SLC5A5: variants seen among roughly 807,000 people sequenced by gnomAD.
The protein encoded by SLC5A5 is sodium/iodide cotransporter.
SLC5A5 carries 56 observed loss-of-function variants against 68.6 expected under a neutral mutation model. The observed-to-expected ratio is 0.82, with a 90% CI of 0.66 to 1.02. The LOEUF (loss-of-function observed/expected upper bound fraction) is 1.02, where lower values mean the gene tolerates loss of function less well. Ranked by LOEUF, SLC5A5 falls within the 50% of genes least tolerant of loss-of-function variation. SLC5A5 has a pLI of 0.00. For missense variants in SLC5A5, 807 were observed against 859.8 expected, an observed-to-expected ratio of 0.94 and a Z score of 0.77; for synonymous variants, 398 against 373.0, an observed-to-expected ratio of 1.07 and a Z score of -0.77.
chr19:17,881,054 C>A, intron 8 of SLC5A5, 101 bp downstream of exon 8: 6 of 876,968 alleles, frequency 6.8e-6, no homozygotes, highest in Non-Finnish European at 1.1e-5. Context: ...CTGGACCTGT[C>A]CATCAGTCCC....
Position 17,872,425 on chromosome 19 carries a change from C to G in SLC5A5, c.106C>G (p.Leu36Val). Residue 36 changes from leucine to valine, a missense_variant, in exon 1 of 15, where the codon CTG becomes GTG. Leu to Val is a conservative substitution (Grantham distance 32). Transcript: ENST00000222248. Reference protein sequence around the residue: ...VSTGIGLWVGLARGGQRSAED... With the variant: ...VSTGIGLWVGVARGGQRSAED... Reference sequence around the variant, plus strand: ...CACTGGCATCGGGCTGTGGGTCGGGCTGGCTCGGGGCGGGCAGCGCAGCGC... The same window carrying G: ...CACTGGCATCGGGCTGTGGGTCGGGGTGGCTCGGGGCGGGCAGCGCAGCGC... The G allele has an allele frequency of 6.2e-7, 1 of 1,608,716 alleles. No individual in the cohort carries two copies. Among genetic ancestry groups the G allele is most frequent in the Non-Finnish European group, 8.5e-7 (1 of 1,177,560 alleles).
At chr19:17,883,627 C>A in intron 10 of SLC5A5, 54 bp from the exon 11 acceptor site, 1 of 1,427,894 alleles carries the variant, frequency 7.0e-7, no homozygotes, top group Non-Finnish European at 9.9e-7. Flanking sequence ...TAAACTGAGG[C>A]CCAGAGCGGT....
At chr19:17,878,958 G>C in intron 7 of SLC5A5, among the ~76,000 whole-genome samples, 1 of 113,662 alleles carries the variant, frequency 8.8e-6, no homozygotes, top group Non-Finnish European at 1.8e-5. Context: ...CTGGGTGACA[G>C]AGAGAGACTC....
rs2094296417 is a variant in SLC5A5, at chr19:17,872,414, T to A, written c.95T>A (p.Leu32Gln). The A allele has an allele frequency of 6.2e-7, 1 of 1,607,906 alleles. No homozygotes were observed. Among genetic ancestry groups the A allele is most frequent in the African/African-American group, 1.3e-5 (1 of 74,902 alleles). ...CTCCTGGTGTCCACTGGCATCGGGC[T>A]GTGGGTCGGGCTGGCTCGGGGCGGG... ...LMLLVSTGIG[L>Q]WVGLARGGQR... is the part of the protein sequence containing the mutation. Residue 32 changes from leucine to glutamine, a missense_variant, in exon 1 of 15, where the codon CTG becomes CAG. By Grantham distance (113) the Leu-to-Gln change is moderately radical. Transcript: ENST00000222248.
chr19:17,872,022 G>A lies in SLC5A5; in HGVS notation c.-298G>A, dbSNP rs1020281847. 1.6e-5 allele frequency: 7 copies of A among 447,642 alleles called. No individual in the cohort carries two copies. The highest frequency in any genetic ancestry group is 1.3e-4 in the African/African-American group (6 of 47,748). 27.7% of individuals were successfully genotyped at this position (447,642 alleles called of 1,614,324 possible). On this transcript the variant is annotated 5_prime_UTR_variant, in exon 1 of 15. Transcript: ENST00000222248. ...CAGGGAGAGGGACAGACAGCCGGCTGCATGGGACAGCGGAACCCAGAGTGA... is the reference window on the plus strand; with the variant it reads ...CAGGGAGAGGGACAGACAGCCGGCTACATGGGACAGCGGAACCCAGAGTGA...
At position 17,872,435 on chromosome 19, in the gene SLC5A5, G is replaced by A. The variant is rs1297679219; in HGVS notation, c.116G>A (p.Gly39Asp). ...GIGLWVGLAR[G>D]GQRSAEDFFT... ...GGGCTGTGGGTCGGGCTGGCTCGGGGCGGGCAGCGCAGCGCTGAGGACTTC... is the reference window on the plus strand; with the variant it reads ...GGGCTGTGGGTCGGGCTGGCTCGGGACGGGCAGCGCAGCGCTGAGGACTTC... The change falls in exon 1 of 15, where the codon GGC (glycine) becomes GAC (aspartate). Residue 39 changes from glycine to aspartate, a missense_variant. Physicochemically the swap from Gly to Asp is moderately conservative, Grantham distance 94. Transcript: ENST00000222248. The A allele has an allele frequency of 1.2e-6, 2 of 1,608,822 alleles. No homozygotes were observed. The highest frequency in any genetic ancestry group is 1.7e-5 in the Admixed American group (1 of 59,660).
intron 4 of SLC5A5, among the ~76,000 whole-genome samples, chr19:17,875,297 G>T (rs1011002201): frequency 6.6e-6 from 1 of 151,664 alleles, no homozygotes; most frequent in Non-Finnish European, 1.5e-5. Context: ...TTGAACCCGG[G>T]AGGTGGAGGT....
chr19:17,883,541 C>G, intron 10 of SLC5A5, 140 bp from the exon 11 acceptor site: 2 of 779,930 alleles, frequency 2.6e-6, no homozygotes, highest in South Asian at 1.4e-5. Flanking sequence ...GGTCCTCTCC[C>G]CTTTAGGGAA....
chr19:17,873,042 T>TAC (rs2094298242), intron 1 of SLC5A5, among the ~76,000 whole-genome samples: 1 of 152,178 alleles, frequency 6.6e-6, no homozygotes, highest in Non-Finnish European at 1.5e-5. Flanking sequence ...GCTCCGGGGT[T>TAC]CGAAACCTGG....
chr19:17,878,989 CA>C (rs764175985), intron 7 of SLC5A5, among the ~76,000 whole-genome samples: 46 of 106,076 alleles, frequency 4.3e-4, no homozygotes, highest in Admixed American at 7.1e-4. Flanking sequence ...AAAAAAAAAA[CA>C]AAAAAAAAAA....
chr19:17,883,846 C>T lies in SLC5A5; in HGVS notation c.1330-4C>T. 1.2e-6 allele frequency: 2 copies of T among 1,600,442 alleles called. No individual in the cohort carries two copies. Among genetic ancestry groups the T allele is most frequent in the Non-Finnish European group, 1.7e-6 (2 of 1,174,434 alleles). ...CCCTTCCCTGACGCCGGCTCTGCCC[C>T]CAGGGCGTCCTCGCGGGACTAGGCG... On this transcript the variant is annotated splice_polypyrimidine_tract_variant and splice_region_variant and intron_variant, in intron 11 of 14. Coordinates refer to ENST00000222248, the MANE Select transcript of SLC5A5 (RefSeq NM_000453.3).
chr19:17,885,451 C>T (rs1481328533), intron 12 of SLC5A5, among the ~76,000 whole-genome samples: 1 of 151,982 alleles, frequency 6.6e-6, no homozygotes, highest in African/African-American at 2.4e-5. Flanking sequence ...ACAATCACAG[C>T]TCACTGCACC....
intron 1 of SLC5A5, among the ~76,000 whole-genome samples, 186 bp downstream of exon 1, chr19:17,872,862 G>A (rs1041897819): frequency 6.6e-6 from 1 of 152,214 alleles, no homozygotes; most frequent in South Asian, 2.1e-4. Flanking sequence ...GGCGCCCGGC[G>A]AGGGGCAGGA....
At chr19:17,882,102 C>A in intron 9 of SLC5A5, 30 bp downstream of exon 9, 2 of 1,606,816 alleles carry the variant, frequency 1.2e-6, no homozygotes, top group Non-Finnish European at 1.7e-6. Context: ...GGGTGGGAGG[C>A]CAGGGCAGTC....
chr19:17,893,798 A>T lies in SLC5A5; in HGVS notation c.1853A>T (p.Lys618Met). Reference sequence around the variant, plus strand: ...GATCGTCTGTTTTTCTTGGGGCAGAAGGAGCTGGAGGGGGCTGGCTCTTGG... The same window carrying T: ...GATCGTCTGTTTTTCTTGGGGCAGATGGAGCTGGAGGGGGCTGGCTCTTGG... ...NEDRLFFLGQ[K>M]ELEGAGSWTP... Residue 618 changes from lysine (K) to methionine (M), a missense_variant, in exon 15 of 15, where the codon AAG (lysine) becomes ATG (methionine). By Grantham distance (95) the Lys-to-Met change is moderately conservative (BLOSUM62 -1). Coordinates refer to ENST00000222248, the MANE Select transcript of SLC5A5 (RefSeq NM_000453.3). 1 of 1,611,142 alleles carries T rather than the reference A, an allele frequency of 6.2e-7. No homozygotes were observed.
At chr19:17,872,974 C>T (rs1212505399) in intron 1 of SLC5A5, among the ~76,000 whole-genome samples, 1 of 152,150 alleles carries the variant, frequency 6.6e-6, no homozygotes, top group African/African-American at 2.4e-5. Context: ...CACACACCTG[C>T]CCCCCACCTG....
intron 5 of SLC5A5, among the ~76,000 whole-genome samples, chr19:17,877,440 G>C (rs1296620931): frequency 6.6e-6 from 1 of 151,620 alleles, no homozygotes; most frequent in African/African-American, 2.4e-5. Context: ...CTCCCAAGTA[G>C]CTGGGATTAG....
In SLC5A5 at chr19:17,881,902, A is replaced by C; in HGVS notation, c.1059-58A>C. ...GGCTGGGTGAGGTCTGGCAGGCCAG[A>C]TGGTGTGGACGGTCTCTCCATATGG... On this transcript the variant is annotated intron_variant, in intron 8 of 14. Coordinates refer to ENST00000222248, the MANE Select transcript of SLC5A5 (RefSeq NM_000453.3). The C allele has an allele frequency of 2.2e-6, 3 of 1,348,174 alleles. No homozygotes were observed. The South Asian group carries it at 3.6e-5, about 16-fold the overall frequency. The allele number at this position is 1,348,174 out of a possible 1,614,324, so 83.5% of individuals were successfully genotyped here.
At chr19:17,872,746 C>G (rs2049895844) in intron 1 of SLC5A5, 70 bp downstream of exon 1, 1 of 1,052,732 alleles carries the variant, frequency 9.5e-7, no homozygotes. Flanking sequence ...GGGGGAGGCG[C>G]TGGGGCTTTG....
Sources: allele counts gnomAD v4.1 joint callset (sites outside exome capture counted in the v4.1 genomes callset), GRCh38; gene constraint gnomAD v4.1.1; transcripts MANE v1.5; gene names NCBI Gene and HGNC (gene_info 2026-07-23, HGNC 2026-07-21).